The following CTNND2 variants were observed in gnomAD, a reference collection of about 807,000 sequenced individuals.
The protein encoded by CTNND2 is catenin delta-2.
Under a neutral mutation model 144.4 loss-of-function variants are expected in CTNND2, and 22 were observed. The ratio of observed to expected loss-of-function variants is 0.15; its 90% CI spans 0.11 to 0.22. The LOEUF (loss-of-function observed/expected upper bound fraction) is 0.22, where lower values mean the gene tolerates loss of function less well. Ranked by LOEUF, CTNND2 falls within the 10% of genes least tolerant of loss-of-function variation. CTNND2 has a pLI of 1.00. For missense variants in CTNND2, 1,353 were observed against 1,618.8 expected (o/e 0.84, Z 2.82); for synonymous variants, 751 against 695.6 (o/e 1.08, Z -1.25).
intron 9 of CTNND2, among the ~76,000 whole-genome samples, chr5:11,309,606 G>A (rs1750593232): frequency 6.6e-6 from 1 of 152,168 alleles, no homozygotes; most frequent in Non-Finnish European, 1.5e-5. Context: ...TGTCTCAGAT[G>A]AGACTCTGGA....
chr5:11,199,617 A>T lies in CTNND2; in HGVS notation c.1806T>A (p.Asp602Glu). 2 of 1,614,152 alleles carry T rather than the reference A, an allele frequency of 1.2e-6. No individual in the cohort carries two copies. Among genetic ancestry groups the T allele is most frequent in the Non-Finnish European group, 1.7e-6 (2 of 1,180,024 alleles). Residue 602 changes from aspartate to glutamate, a missense_variant, in exon 11 of 22, where the codon GAT becomes GAA. By Grantham distance (45) the Asp-to-Glu change is conservative (BLOSUM62 2). This residue lies in a region of CTNND2 where 69 missense variants were observed against 120.3 expected (regional missense o/e 0.57). Coordinates refer to ENST00000304623, the MANE Select transcript of CTNND2 (RefSeq NM_001332.4). Reference sequence around the variant, plus strand: ...TACGGTGGACTTCGGTCATCCGATGATCCAACAGGTCCACCAGGAGCTGGA... The same window carrying T: ...TACGGTGGACTTCGGTCATCCGATGTTCCAACAGGTCCACCAGGAGCTGGA... ...GGIQLLVDLL[D>E]HRMTEVHRSA...
intron 1 of CTNND2, among the ~76,000 whole-genome samples, chr5:11,772,097 G>C (rs916941016): frequency 6.6e-6 from 1 of 152,144 alleles, no homozygotes; most frequent in African/African-American, 2.4e-5. Context: ...TGTTCTAGGA[G>C]ATAGCAGATT....
At chr5:11,575,464 T>C (rs1777906062) in intron 2 of CTNND2, among the ~76,000 whole-genome samples, 2 of 152,302 alleles carry the variant, frequency 1.3e-5, no homozygotes, top group South Asian at 4.1e-4. Flanking sequence ...TCCCTCACTC[T>C]ACCTCTCTCT....
At chr5:11,005,797 G>A (rs886393955) in intron 18 of CTNND2, among the ~76,000 whole-genome samples, 3 of 152,178 alleles carry the variant, frequency 2.0e-5, no homozygotes, top group Non-Finnish European at 2.9e-5. Flanking sequence ...GATGGGTTTA[G>A]TGTTAAACAG....
At chr5:10,980,655 C>T (rs541228434) in intron 21 of CTNND2, among the ~76,000 whole-genome samples, 1 of 152,270 alleles carries the variant, frequency 6.6e-6, no homozygotes, top group East Asian at 1.9e-4. Flanking sequence ...ACCCAAATGT[C>T]CATCAATGAT....
chr5:11,870,033 A>T (rs1208791804), intron 1 of CTNND2, among the ~76,000 whole-genome samples: 1 of 152,216 alleles, frequency 6.6e-6, no homozygotes, highest in African/African-American at 2.4e-5. Context: ...TTACACATAG[A>T]CTGATTTAGA....
chr5:11,567,264 C>T (rs967952639), intron 2 of CTNND2, among the ~76,000 whole-genome samples: 1 of 152,054 alleles, frequency 6.6e-6, no homozygotes, highest in Admixed American at 6.5e-5. Flanking sequence ...TTTTTCTCTG[C>T]TTTTAAGATT....
rs566593294 is a variant in CTNND2 at position 11,342,875 on chromosome 5, A to G, written c.1628+3497T>C. Reference sequence around the variant, plus strand: ...ATGTTTAAAAACAACAGTATATAGAACTCAATAGCTGGTGTAGTACCTACA... The same window carrying G: ...ATGTTTAAAAACAACAGTATATAGAGCTCAATAGCTGGTGTAGTACCTACA... On this transcript the variant is annotated intron_variant, in intron 9 of 21. Coordinates refer to ENST00000304623, the MANE Select transcript of CTNND2 (RefSeq NM_001332.4). Among the ~76,000 whole-genome samples the G allele has an allele frequency of 3.3e-5, 5 of 152,338 alleles. No homozygotes were observed. In the East Asian group the frequency reaches 9.6e-4, roughly 29 times the overall value.
intron 20 of CTNND2, among the ~76,000 whole-genome samples, chr5:10,983,152 G>C (rs1373403212): frequency 6.6e-6 from 1 of 152,120 alleles, no homozygotes; most frequent in African/African-American, 2.4e-5. Flanking sequence ...TAGAATAATG[G>C]AATTGGGATG....
intron 9 of CTNND2, among the ~76,000 whole-genome samples, chr5:11,279,137 C>A (rs897467230): frequency 5.3e-5 from 8 of 152,170 alleles, no homozygotes; most frequent in African/African-American, 1.9e-4. Context: ...GATGAGAATA[C>A]ATGATTGCTC....
intron 16 of CTNND2, among the ~76,000 whole-genome samples, chr5:11,075,699 T>C (rs1346021042): frequency 6.6e-6 from 1 of 152,240 alleles, no homozygotes; most frequent in East Asian, 1.9e-4. Flanking sequence ...AGGGATGCGG[T>C]GGCCCCGCCA....
intron 9 of CTNND2, among the ~76,000 whole-genome samples, chr5:11,239,012 T>C (rs1177434521): frequency 6.6e-6 from 1 of 152,260 alleles, no homozygotes; most frequent in East Asian, 1.9e-4. Context: ...TAGAATTATA[T>C]TCTTTATGCA....
intron 3 of CTNND2, among the ~76,000 whole-genome samples, chr5:11,423,296 GTTGATTAACTTGAACACTTC>G (rs1762516865): frequency 6.6e-6 from 1 of 152,210 alleles, no homozygotes; most frequent in Non-Finnish European, 1.5e-5. Flanking sequence ...ACAGTCAGAT[GTTGATTAACTTGAACACTTC>G]ATTCCCTGAT....
chr5:11,117,304 G>T, intron 13 of CTNND2, 146 bp downstream of exon 13: 1 of 665,630 alleles, frequency 1.5e-6, no homozygotes, highest in Non-Finnish European at 2.7e-6. Flanking sequence ...CAGTCTAAAA[G>T]TGTTGGATTC....
At chr5:11,240,744 AACAC>A (rs747189438) in intron 9 of CTNND2, among the ~76,000 whole-genome samples, 65 of 142,136 alleles carry the variant, frequency 4.6e-4, no homozygotes, top group East Asian at 2.4e-3. Flanking sequence ...ACACACACCC[AACAC>A]ACACACATCC....
chr5:11,342,108 A>G (rs943759115), intron 9 of CTNND2, among the ~76,000 whole-genome samples: 13 of 152,232 alleles, frequency 8.5e-5, no homozygotes, highest in Non-Finnish European at 1.5e-4. Context: ...CCACATGTGC[A>G]CATGCGTCGT....
chr5:11,583,236 C>A (rs935579635), intron 2 of CTNND2, among the ~76,000 whole-genome samples: 5 of 152,212 alleles, frequency 3.3e-5, no homozygotes, highest in African/African-American at 1.2e-4. Flanking sequence ...TATCCACCAT[C>A]ATCCTGAGCT....
chr5:11,043,303 G>A (rs1207924331), intron 16 of CTNND2, among the ~76,000 whole-genome samples: 2 of 152,114 alleles, frequency 1.3e-5, no homozygotes, highest in Non-Finnish European at 2.9e-5. Context: ...AATATTGACT[G>A]TATGTTTGTT....
intron 12 of CTNND2, among the ~76,000 whole-genome samples, chr5:11,157,458 T>C (rs1053927516): frequency 3.3e-5 from 5 of 152,196 alleles, no homozygotes; most frequent in Non-Finnish European, 5.9e-5. Context: ...TAGGCTGTTG[T>C]GCTGGGGCTC....
Sources: gnomAD v4.1 joint callset for allele counts (sites outside exome capture counted in the v4.1 genomes callset) on GRCh38, gnomAD v4.1.1 for gene constraint, gnomAD v4.1.1 regional missense constraint, MANE v1.5 for transcripts, NCBI Gene and HGNC (gene_info 2026-07-23, HGNC 2026-07-21) for gene names.